PHACTR1: variants seen among roughly 807,000 people sequenced by gnomAD.
The protein encoded by PHACTR1 is RPEL repeat containing 1.
Under a neutral mutation model 69.2 loss-of-function variants are expected in PHACTR1, and 16 were observed. That is an observed-to-expected ratio of 0.23 (90% CI 0.16 to 0.35). The LOEUF (loss-of-function observed/expected upper bound fraction) is 0.35. Among genes scored for constraint, PHACTR1 ranks in the 10% least tolerant of loss-of-function variants. PHACTR1 has a pLI of 1.00. For missense variants in PHACTR1, 510 were observed against 734.7 expected, an observed-to-expected ratio of 0.69 and a Z score of 3.54; for synonymous variants, 312 against 284.5, an observed-to-expected ratio of 1.10 and a Z score of -0.97.
intron 4 of PHACTR1, among the ~76,000 whole-genome samples, chr6:12,793,590 A>G (rs779161912): frequency 6.6e-6 from 1 of 152,214 alleles, no homozygotes; most frequent in African/African-American, 2.4e-5. Context: ...CTCTGATTGT[A>G]TTAAGAAACC....
chr6:13,083,127 T>C (rs2127802433), intron 5 of PHACTR1, among the ~76,000 whole-genome samples: 1 of 152,300 alleles, frequency 6.6e-6, no homozygotes, highest in East Asian at 1.9e-4. Flanking sequence ...TTGTATAAGG[T>C]GTAAGGAAGG....
intron 3 of PHACTR1, among the ~76,000 whole-genome samples, chr6:12,720,915 T>A (rs1391112041): frequency 6.6e-6 from 1 of 152,212 alleles, no homozygotes; most frequent in East Asian, 1.9e-4. Flanking sequence ...GACATAGTGG[T>A]TGCAGGCTCC....
intron 4 of PHACTR1, among the ~76,000 whole-genome samples, chr6:12,759,038 C>T (rs1026620451): frequency 2.7e-5 from 4 of 148,844 alleles, no homozygotes; most frequent in Admixed American, 1.4e-4. Context: ...GCAGGAGAAT[C>T]GCTTGAACCT....
chr6:13,230,458 A>G (rs1770680494), intron 10 of PHACTR1: 1 of 583,666 alleles, frequency 1.7e-6, no homozygotes, highest in Admixed American at 3.7e-5. Flanking sequence ...AGGCAGGAGG[A>G]TTGCTTGAAT....
chr6:13,286,070 G>A lies in PHACTR1; in HGVS notation c.1651-76G>A, dbSNP rs1405556450. 3.2e-6 allele frequency: 4 copies of A among 1,231,680 alleles called. No individual in the cohort carries two copies. In the Admixed American group the frequency reaches 8.6e-5, roughly 27 times the overall value. The allele number at this position is 1,231,680 out of a possible 1,614,324, so 76.3% of individuals were successfully genotyped here. On this transcript the variant is annotated intron_variant, in intron 13 of 14. Transcript: ENST00000332995. Reference sequence around the variant, plus strand: ...CTTTGTTGAAGAAGAAAAATATGTTGTTAGGAATGAACTGAAAGGGGAGTT... The same window carrying A: ...CTTTGTTGAAGAAGAAAAATATGTTATTAGGAATGAACTGAAAGGGGAGTT...
intron 3 of PHACTR1, among the ~76,000 whole-genome samples, chr6:12,726,637 T>C (rs541343860): frequency 1.2e-4 from 19 of 152,280 alleles, no homozygotes; most frequent in Non-Finnish European, 2.8e-4. Flanking sequence ...GGAAATCAGG[T>C]TGTCTTCTTC....
At chr6:13,012,289 C>T (rs947415993) in intron 4 of PHACTR1, among the ~76,000 whole-genome samples, 2 of 152,220 alleles carry the variant, frequency 1.3e-5, no homozygotes, top group African/African-American at 2.4e-5. Flanking sequence ...CTCAGTGGAT[C>T]GTTGACCTTG....
chr6:12,870,908 T>A (rs1341675318), intron 4 of PHACTR1, among the ~76,000 whole-genome samples: 1 of 152,200 alleles, frequency 6.6e-6, no homozygotes, highest in African/African-American at 2.4e-5. Flanking sequence ...AGAGCTAATA[T>A]CAGTACGTGG....
intron 4 of PHACTR1, among the ~76,000 whole-genome samples, chr6:12,881,663 C>T (rs1177369142): frequency 6.6e-6 from 1 of 152,080 alleles, no homozygotes; most frequent in Non-Finnish European, 1.5e-5. Flanking sequence ...GAGCTGCAAG[C>T]AGACAGGAGC....
At chr6:13,044,804 T>C (rs1238916772) in intron 4 of PHACTR1, among the ~76,000 whole-genome samples, 1 of 152,236 alleles carries the variant, frequency 6.6e-6, no homozygotes, top group African/African-American at 2.4e-5. Context: ...ATTCCAGGCC[T>C]GACTGACACC....
chr6:12,818,159 A>G (rs1334971568), intron 4 of PHACTR1, among the ~76,000 whole-genome samples: 2 of 152,156 alleles, frequency 1.3e-5, no homozygotes, highest in African/African-American at 4.8e-5. Flanking sequence ...GGTGTGTATC[A>G]GTTAGTGTTT....
intron 4 of PHACTR1, among the ~76,000 whole-genome samples, chr6:12,963,249 G>C (rs940696402): frequency 6.6e-6 from 1 of 152,166 alleles, no homozygotes; most frequent in Admixed American, 6.5e-5. Flanking sequence ...AGTAGAGCAG[G>C]TGATTTGCAG....
intron 4 of PHACTR1, among the ~76,000 whole-genome samples, chr6:12,956,865 A>G (rs1319570162): frequency 6.6e-6 from 1 of 152,176 alleles, no homozygotes; most frequent in African/African-American, 2.4e-5. Context: ...GAACCATCCT[A>G]AAAGAAAATC....
At chr6:13,280,633 C>A in intron 12 of PHACTR1, 3 of 277,448 alleles carry the variant, frequency 1.1e-5, no homozygotes, top group Non-Finnish European at 1.4e-5. Flanking sequence ...AAAAATAAAG[C>A]GTAGTAACTG....
At chr6:13,154,569 A>G (rs1287797330) in intron 5 of PHACTR1, among the ~76,000 whole-genome samples, 1 of 152,194 alleles carries the variant, frequency 6.6e-6, no homozygotes, top group Non-Finnish European at 1.5e-5. Flanking sequence ...TAAAAATAAT[A>G]TCTGCTCTCA....
intron 4 of PHACTR1, among the ~76,000 whole-genome samples, chr6:12,797,745 C>T (rs770273585): frequency 1.3e-5 from 2 of 152,110 alleles, no homozygotes; most frequent in Non-Finnish European, 2.9e-5. Context: ...TTTTGTCTGT[C>T]AACGCATCAA....
intron 5 of PHACTR1, among the ~76,000 whole-genome samples, chr6:13,139,470 G>A (rs980162718): frequency 1.2e-4 from 19 of 152,020 alleles, no homozygotes; most frequent in African/African-American, 4.1e-4. Flanking sequence ...TATATTTTCT[G>A]TCTATTGGAA....
At chr6:13,021,366 T>A (rs1311453341) in intron 4 of PHACTR1, among the ~76,000 whole-genome samples, 2 of 152,270 alleles carry the variant, frequency 1.3e-5, no homozygotes, top group Non-Finnish European at 2.9e-5. Flanking sequence ...TCATTGCTTT[T>A]TATGGCTGAG....
intron 4 of PHACTR1, among the ~76,000 whole-genome samples, chr6:12,955,058 G>C (rs1271114545): frequency 6.6e-6 from 1 of 151,970 alleles, no homozygotes; most frequent in African/African-American, 2.4e-5. Flanking sequence ...TTTTTATATT[G>C]ATTACATATT....
Sources: allele counts gnomAD v4.1 joint callset (sites outside exome capture counted in the v4.1 genomes callset), GRCh38; gene constraint gnomAD v4.1.1; transcripts MANE v1.5; gene names NCBI Gene and HGNC (gene_info 2026-07-23, HGNC 2026-07-21).